SYT10: variants seen among roughly 807,000 people sequenced by gnomAD.
SYT10 encodes the protein synaptotagmin-10.
A neutral mutation model predicts 51.1 loss-of-function variants in SYT10; 31 were observed. That is an observed-to-expected ratio of 0.61 (90% CI 0.46 to 0.82). SYT10 has a LOEUF of 0.82. Ranked by LOEUF, SYT10 falls within the 40% of genes least tolerant of loss-of-function variation. The pLI is 0.00. For missense variants in SYT10, 603 were observed against 634.0 expected (o/e 0.95, Z 0.53); for synonymous variants, 233 against 225.9 (o/e 1.03, Z -0.28).
At chr12:33,433,290 T>C (rs1866611647) in intron 1 of SYT10, among the ~76,000 whole-genome samples, 1 of 152,150 alleles carries the variant, frequency 6.6e-6, no homozygotes, top group Admixed American at 6.5e-5. Context: ...GACTCTCAGC[T>C]CTTTTTCAGT....
chr12:33,426,522 T>C (rs1339402301), intron 1 of SYT10, 27 bp from the exon 2 acceptor site: 5 of 1,481,048 alleles, frequency 3.4e-6, no homozygotes, highest in Non-Finnish European at 4.5e-6. Flanking sequence ...GTAAAAATGA[T>C]TAATTAATAT....
At chr12:33,439,261 C>T in intron 1 of SYT10, 111 bp downstream of exon 1, 3 of 1,379,984 alleles carry the variant, frequency 2.2e-6, no homozygotes, top group Non-Finnish European at 2.9e-6. Context: ...AAGCGTGGCG[C>T]CCCAAATATG....
intron 1 of SYT10, among the ~76,000 whole-genome samples, chr12:33,430,934 A>G (rs1172970926): frequency 6.6e-6 from 1 of 152,180 alleles, no homozygotes; most frequent in East Asian, 1.9e-4. Context: ...GTAACAAGGG[A>G]CCAAATTAAT....
At chr12:33,423,588 T>G (rs144705597) in intron 2 of SYT10, among the ~76,000 whole-genome samples, 1 of 152,106 alleles carries the variant, frequency 6.6e-6, no homozygotes, top group Admixed American at 6.6e-5. Flanking sequence ...AAGGAATTCA[T>G]CCCAAGGCTA....
rs576568196 is a variant in SYT10 at position 33,415,042 on chromosome 12, C to T, written c.510-7686G>A. ...CACTGGAATACGAGCAAATTCTTCC[C>T]GCCTATCAGAAGAAAGTGTTTAAAG... On this transcript the variant is annotated intron_variant, in intron 2 of 6. Coordinates refer to ENST00000228567, the MANE Select transcript of SYT10 (RefSeq NM_198992.4). Among the ~76,000 whole-genome samples, 12 of 152,182 alleles carry T rather than the reference C, an allele frequency of 7.9e-5. No homozygotes were observed. The East Asian group carries it at 9.7e-4, about 12-fold the overall frequency.
At chr12:33,398,165 T>C (rs1866272788) in intron 3 of SYT10, among the ~76,000 whole-genome samples, 1 of 151,982 alleles carries the variant, frequency 6.6e-6, no homozygotes, top group African/African-American at 2.4e-5. Flanking sequence ...AGGTAGGAGA[T>C]GAGGTCCAGG....
rs1182543704 is a variant in SYT10 at position 33,403,767 on chromosome 12, T to C, written c.1077+3022A>G. On this transcript the variant is annotated intron_variant, in intron 3 of 6. Coordinates refer to ENST00000228567, the MANE Select transcript of SYT10 (RefSeq NM_198992.4). ...GTGTGAATAGAAAAAGAAAGTTTCTTAATGAAATTTCCACATACATCATTT... is the reference window on the plus strand; with the variant it reads ...GTGTGAATAGAAAAAGAAAGTTTCTCAATGAAATTTCCACATACATCATTT... Among the ~76,000 whole-genome samples the C allele has an allele frequency of 2.6e-5, 4 of 152,036 alleles. No homozygotes were observed. In the East Asian group the frequency reaches 5.8e-4, roughly 22 times the overall value.
chr12:33,421,374 A>C (rs1414594461), intron 2 of SYT10, among the ~76,000 whole-genome samples: 1 of 152,158 alleles, frequency 6.6e-6, no homozygotes, highest in Non-Finnish European at 1.5e-5. Flanking sequence ...AAAGGTGATA[A>C]ATCTATATAA....
chr12:33,404,761 A>T (rs1211193905), intron 3 of SYT10: 1 of 152,136 alleles, frequency 6.6e-6, no homozygotes, highest in African/African-American at 2.4e-5. Flanking sequence ...TTCTAACCAA[A>T]CTGTATTTCT....
At chr12:33,423,474 C>A (rs1462658162) in intron 2 of SYT10, among the ~76,000 whole-genome samples, 3 of 151,978 alleles carry the variant, frequency 2.0e-5, no homozygotes, top group Non-Finnish European at 4.4e-5. Flanking sequence ...ACCTAATGAA[C>A]TCAGCAATTT....
Position 33,376,706 on chromosome 12 carries a change from CA to C in SYT10, c.*123del, listed in dbSNP as rs1386662674. 2.2e-5 allele frequency: 22 copies of C among 1,022,322 alleles called. No individual in the cohort carries two copies. Among genetic ancestry groups the C allele is most frequent in the Non-Finnish European group, 3.1e-5 (22 of 699,006 alleles). The allele number at this position is 1,022,322 out of a possible 1,614,324, so 63.3% of individuals were successfully genotyped here. A position where few individuals can be genotyped will look rare whatever the true frequency, so the allele number is the denominator to read the frequency against. The stretch of plus-strand genomic sequence containing the variant: ...AACAATAAAAGCAAATAAAAAAGTG[CA>C]CATCAAGTTTGTTCATTAGTACGGA... On this transcript the variant is annotated 3_prime_UTR_variant, in exon 7 of 7. Transcript: ENST00000228567.
chr12:33,376,829 A>G lies in SYT10; in HGVS notation c.*1T>C, dbSNP rs1258556583. The G allele has an allele frequency of 6.2e-7, 1 of 1,613,946 alleles. No individual in the cohort carries two copies. The highest frequency in any genetic ancestry group is 1.7e-5 in the Admixed American group (1 of 59,996). On this transcript the variant is annotated 3_prime_UTR_variant, in exon 7 of 7. Transcript: ENST00000228567. ...AATATCATGGTCTCATTTTGGAGGC[A>G]TTATGGTGTGGAAGGTGGTTTAGGA... is the stretch of plus-strand genomic sequence containing the variant.
intron 2 of SYT10, among the ~76,000 whole-genome samples, chr12:33,425,053 A>G (rs921310823): frequency 3.3e-5 from 5 of 152,108 alleles, no homozygotes; most frequent in African/African-American, 1.2e-4. Context: ...TGTAGATATA[A>G]TTCTCCCATT....
At chr12:33,427,722 C>G (rs1866564389) in intron 1 of SYT10, among the ~76,000 whole-genome samples, 2 of 152,140 alleles carry the variant, frequency 1.3e-5, no homozygotes, top group South Asian at 4.1e-4. Context: ...TAATGTGTAG[C>G]TCTTCATGAC....
intron 2 of SYT10, among the ~76,000 whole-genome samples, chr12:33,419,901 T>C (rs1188672144): frequency 6.6e-6 from 1 of 152,208 alleles, no homozygotes; most frequent in Admixed American, 6.5e-5. Context: ...CTGGTCAAAA[T>C]AATAAATCCA....
chr12:33,397,010 CG>C (rs1349342525), intron 3 of SYT10, among the ~76,000 whole-genome samples: 6 of 152,160 alleles, frequency 3.9e-5, no homozygotes, highest in African/African-American at 1.4e-4. Flanking sequence ...GCAATGATCA[CG>C]GCTCTTTCTA....
chr12:33,438,131 G>C (rs1464294182), intron 1 of SYT10, among the ~76,000 whole-genome samples: 1 of 152,102 alleles, frequency 6.6e-6, no homozygotes, highest in Non-Finnish European at 1.5e-5. Flanking sequence ...CTTTGACGCA[G>C]GGGTGGTGGT....
chr12:33,378,775 TTA>T (rs1866087076), intron 6 of SYT10, among the ~76,000 whole-genome samples: 3 of 151,740 alleles, frequency 2.0e-5, no homozygotes, highest in Non-Finnish European at 2.9e-5. Flanking sequence ...ACGTCTATAC[TTA>T]TAAAGTTCTA....
intron 1 of SYT10, among the ~76,000 whole-genome samples, chr12:33,438,984 C>T (rs1866660157): frequency 6.6e-6 from 1 of 152,232 alleles, no homozygotes; most frequent in African/African-American, 2.4e-5. Context: ...CCTAGTCCCA[C>T]AGGTGAGCCG....
Sources: allele counts gnomAD v4.1 joint callset (sites outside exome capture counted in the v4.1 genomes callset), GRCh38; gene constraint gnomAD v4.1.1; transcripts MANE v1.5; gene names NCBI Gene and HGNC (gene_info 2026-07-23, HGNC 2026-07-21).